The following DPP10 variants were observed in gnomAD, a reference collection of about 807,000 sequenced individuals.
DPP10 encodes the protein inactive dipeptidyl peptidase 10.
In DPP10, 33 loss-of-function variants were observed where a neutral mutation model predicts 120.9. The ratio of observed to expected loss-of-function variants is 0.27; its 90% CI spans 0.21 to 0.37. DPP10 has a LOEUF of 0.37. Ranked by LOEUF, DPP10 falls within the 10% of genes least tolerant of loss-of-function variation. The pLI is 1.00. For missense variants in DPP10, 816 were observed against 942.8 expected (o/e 0.87, Z 1.76); for synonymous variants, 337 against 326.1 (o/e 1.03, Z -0.36).
At chr2:114,598,032 A>G (rs1186248038) in intron 1 of DPP10, among the ~76,000 whole-genome samples, 1 of 151,914 alleles carries the variant, frequency 6.6e-6, no homozygotes, top group African/African-American at 2.4e-5. Context: ...TGCTCTTCCA[A>G]AGGTAAATGA....
intron 3 of DPP10, among the ~76,000 whole-genome samples, chr2:115,345,953 A>G (rs189875145): frequency 1.2e-4 from 19 of 152,318 alleles, no homozygotes; most frequent in South Asian, 1.0e-3. Context: ...ACCTAAATAT[A>G]TAATTTTTAT....
At chr2:115,219,112 A>C (rs555684247) in intron 1 of DPP10, among the ~76,000 whole-genome samples, 10 of 152,250 alleles carry the variant, frequency 6.6e-5, no homozygotes, top group African/African-American at 2.4e-4. Context: ...CAGAAAGTTC[A>C]GAGTTACATT....
chr2:115,496,258 TTA>T lies in DPP10; in HGVS notation c.272-3250_272-3249del, dbSNP rs1348020389. The stretch of plus-strand genomic sequence containing the variant: ...AAAATAATTCATGCAAAAATCTTTA[TTA>T]TTTATTAAGCTAGAGAATTACATGT... On this transcript the variant is annotated intron_variant, in intron 3 of 25. Transcript: ENST00000410059. Among the ~76,000 whole-genome samples, 3 of 152,272 alleles carry T rather than the reference TTA, an allele frequency of 2.0e-5. No homozygotes were observed. The East Asian group carries it at 5.8e-4, about 29-fold the overall frequency.
intron 8 of DPP10, among the ~76,000 whole-genome samples, chr2:115,736,752 C>T (rs536019606): frequency 3.5e-4 from 54 of 152,226 alleles, no homozygotes; most frequent in African/African-American, 1.1e-3. Flanking sequence ...AAAGGCTCAG[C>T]GATGGCCACT....
intron 3 of DPP10, among the ~76,000 whole-genome samples, chr2:115,476,383 G>T (rs1022403585): frequency 6.6e-6 from 1 of 152,054 alleles, no homozygotes; most frequent in Non-Finnish European, 1.5e-5. Flanking sequence ...CTCTCCAAAA[G>T]TAGAAGCCAC....
At chr2:114,451,481 C>A (rs946867314) in intron 1 of DPP10, among the ~76,000 whole-genome samples, 1 of 151,810 alleles carries the variant, frequency 6.6e-6, no homozygotes, top group Non-Finnish European at 1.5e-5. Flanking sequence ...GAGGCATTCA[C>A]AAAACCCAAG....
intron 1 of DPP10, among the ~76,000 whole-genome samples, chr2:115,086,670 A>G (rs1708731442): frequency 6.6e-6 from 1 of 151,998 alleles, no homozygotes; most frequent in African/African-American, 2.4e-5. Context: ...GTTATCCAGG[A>G]AGGTCTCGAT....
chr2:115,583,611 C>T (rs913920666), intron 5 of DPP10, among the ~76,000 whole-genome samples: 5 of 152,058 alleles, frequency 3.3e-5, no homozygotes, highest in South Asian at 2.1e-4. Flanking sequence ...TCCCATAGAG[C>T]GTTTTCCAAG....
chr2:114,809,020 C>T (rs537924826), intron 1 of DPP10, among the ~76,000 whole-genome samples: 6 of 126,028 alleles, frequency 4.8e-5, no homozygotes, highest in African/African-American at 1.3e-4. Flanking sequence ...TGAATTAATG[C>T]ATTTTTATAA....
intron 1 of DPP10, among the ~76,000 whole-genome samples, chr2:114,518,471 T>G (rs192036966): frequency 2.8e-4 from 43 of 152,326 alleles, no homozygotes; most frequent in Non-Finnish European, 5.6e-4. Flanking sequence ...TGTTTTCCCT[T>G]CTATTTTCAG....
chr2:114,543,528 C>T (rs1687118766), intron 1 of DPP10, among the ~76,000 whole-genome samples: 3 of 152,162 alleles, frequency 2.0e-5, no homozygotes. Flanking sequence ...TCCTGGTGAC[C>T]AAATAAAGCC....
chr2:114,642,903 T>C (rs969912656), intron 1 of DPP10, among the ~76,000 whole-genome samples: 29 of 151,916 alleles, frequency 1.9e-4, no homozygotes, highest in African/African-American at 6.6e-4. Flanking sequence ...AACATCCTAA[T>C]CATGTTTTCA....
chr2:114,680,102 T>C (rs886847246), intron 1 of DPP10, among the ~76,000 whole-genome samples: 1 of 152,038 alleles, frequency 6.6e-6, no homozygotes, highest in South Asian at 2.1e-4. Context: ...TTGAGGCTTA[T>C]CTATTTCAGT....
intron 5 of DPP10, among the ~76,000 whole-genome samples, chr2:115,612,916 T>C (rs2084221469): frequency 1.3e-5 from 2 of 152,034 alleles, no homozygotes; most frequent in South Asian, 4.1e-4. Context: ...TGACAACTGG[T>C]AACTTTAGGA....
intron 3 of DPP10, among the ~76,000 whole-genome samples, chr2:115,467,592 A>G (rs1440282650): frequency 2.0e-5 from 3 of 152,094 alleles, no homozygotes; most frequent in Admixed American, 1.3e-4. Flanking sequence ...AAAAAAAAAG[A>G]GACACTGAAA....
At chr2:114,614,421 T>A (rs1693526489) in intron 1 of DPP10, among the ~76,000 whole-genome samples, 1 of 152,194 alleles carries the variant, frequency 6.6e-6, no homozygotes, top group Admixed American at 6.6e-5. Flanking sequence ...AACAAAGAAC[T>A]TGTTTTCATA....
intron 1 of DPP10, among the ~76,000 whole-genome samples, chr2:114,701,665 T>C (rs1700389549): frequency 6.6e-6 from 1 of 152,142 alleles, no homozygotes; most frequent in South Asian, 2.1e-4. Context: ...TGAATTCATG[T>C]ACCTTTCAAT....
At chr2:114,792,391 CA>C in intron 1 of DPP10, among the ~76,000 whole-genome samples, 1 of 152,198 alleles carries the variant, frequency 6.6e-6, no homozygotes, top group African/African-American at 2.4e-5. Context: ...AAGAAACCTC[CA>C]AATATCTTTC....
intron 1 of DPP10, among the ~76,000 whole-genome samples, chr2:115,244,216 G>GTATA (rs377701662): frequency 2.2e-3 from 269 of 119,750 alleles, no homozygotes; most frequent in South Asian, 3.4e-3. Flanking sequence ...ATATGTGTGT[G>GTATA]TATATATATA....
Sources: gnomAD v4.1 joint callset for allele counts (sites outside exome capture counted in the v4.1 genomes callset) on GRCh38, gnomAD v4.1.1 for gene constraint, MANE v1.5 for transcripts, NCBI Gene and HGNC (gene_info 2026-07-23, HGNC 2026-07-21) for gene names.